Variants in KCND2 observed in about 807,000 individuals in gnomAD.
The protein encoded by KCND2 is A-type voltage-gated potassium channel KCND2.
In KCND2, 16 loss-of-function variants were observed where a neutral mutation model predicts 54.4. The ratio of observed to expected loss-of-function variants is 0.29; its 90% CI spans 0.20 to 0.45. KCND2 has a LOEUF of 0.45. Ranked by LOEUF, KCND2 falls within the 20% of genes least tolerant of loss-of-function variation. The pLI is 1.00. For missense variants in KCND2, 486 were observed against 824.2 expected, an observed-to-expected ratio of 0.59 and a Z score of 5.02; for synonymous variants, 317 against 310.7, an observed-to-expected ratio of 1.02 and a Z score of -0.21.
At chr7:120,376,062 T>A (rs951859925) in intron 1 of KCND2, among the ~76,000 whole-genome samples, 1 of 151,758 alleles carries the variant, frequency 6.6e-6, no homozygotes, top group Admixed American at 6.6e-5. Flanking sequence ...ATGTTCAATA[T>A]CCTTTGCTTA....
chr7:120,421,064 G>A (rs1362071209), intron 1 of KCND2, among the ~76,000 whole-genome samples: 5 of 152,028 alleles, frequency 3.3e-5, no homozygotes, highest in Admixed American at 1.3e-4. Flanking sequence ...CATCAATAAC[G>A]GTAATGATTA....
At chr7:120,333,192 G>A (rs567639135) in intron 1 of KCND2, among the ~76,000 whole-genome samples, 7 of 152,198 alleles carry the variant, frequency 4.6e-5, no homozygotes, top group African/African-American at 1.2e-4. Context: ...TAGTAGGAAC[G>A]AGTTATTTAT....
intron 1 of KCND2, among the ~76,000 whole-genome samples, chr7:120,392,643 C>T (rs912148736): frequency 4.6e-5 from 7 of 151,770 alleles, no homozygotes; most frequent in African/African-American, 7.3e-5. Context: ...ACGTTTTTCA[C>T]GACCAAGCCT....
At chr7:120,404,027 A>G (rs1411657092) in intron 1 of KCND2, among the ~76,000 whole-genome samples, 14 of 152,302 alleles carry the variant, frequency 9.2e-5, no homozygotes, top group Admixed American at 2.6e-4. Flanking sequence ...TTGGAAATTA[A>G]CATTTCAGCA....
chr7:120,346,022 C>T (rs573292733), intron 1 of KCND2, among the ~76,000 whole-genome samples: 66 of 152,224 alleles, frequency 4.3e-4, no homozygotes, highest in African/African-American at 1.2e-3. Context: ...TTATGTTTTT[C>T]TGACAGTGGC....
At chr7:120,544,435 C>A (rs934542094) in intron 1 of KCND2, among the ~76,000 whole-genome samples, 1 of 151,882 alleles carries the variant, frequency 6.6e-6, no homozygotes. Flanking sequence ...GTACTATCAT[C>A]ACTAAAATAT....
chr7:120,747,802 A>T lies in KCND2; in HGVS notation c.1837A>T (p.Arg613Trp). 1 of 1,612,788 alleles carries T rather than the reference A, an allele frequency of 6.2e-7. No homozygotes were observed. The highest frequency in any genetic ancestry group is 8.5e-7 in the Non-Finnish European group (1 of 1,179,096). The change falls in exon 6 of 6, where the codon AGG (arginine) becomes TGG (tryptophan). Residue 613 changes from arginine to tryptophan, a missense_variant. Coordinates refer to ENST00000331113, the MANE Select transcript of KCND2 (RefSeq NM_012281.3). ...AGTAACCACACCAGAAGGAGACGATAGGCCAGAATCCCCTGAGTACTCAGG... is the reference window on the plus strand; with the variant it reads ...AGTAACCACACCAGAAGGAGACGATTGGCCAGAATCCCCTGAGTACTCAGG... ...PPVTTPEGDD[R>W]PESPEYSGGN...
intron 1 of KCND2, among the ~76,000 whole-genome samples, chr7:120,725,319 T>C (rs1279647514): frequency 6.6e-6 from 1 of 152,226 alleles, no homozygotes; most frequent in African/African-American, 2.4e-5. Context: ...TTTAAAATTG[T>C]GCCTTAGCGA....
At chr7:120,686,635 G>T (rs1792205103) in intron 1 of KCND2, among the ~76,000 whole-genome samples, 1 of 152,148 alleles carries the variant, frequency 6.6e-6, no homozygotes, top group Admixed American at 6.6e-5. Context: ...CGAGTGCATG[G>T]TTTGACCTTT....
intron 1 of KCND2, among the ~76,000 whole-genome samples, chr7:120,656,392 G>A (rs1455275905): frequency 6.6e-6 from 1 of 152,248 alleles, no homozygotes; most frequent in Admixed American, 6.5e-5. Flanking sequence ...TGACTCATAG[G>A]TATTTTACCC....
intron 1 of KCND2, among the ~76,000 whole-genome samples, chr7:120,394,950 T>C (rs945561094): frequency 1.3e-5 from 2 of 152,040 alleles, no homozygotes; most frequent in Non-Finnish European, 2.9e-5. Flanking sequence ...TCTCTGGCTA[T>C]TTGGTTGTCA....
chr7:120,723,644 G>C (rs1181957359), intron 1 of KCND2, among the ~76,000 whole-genome samples: 2 of 152,098 alleles, frequency 1.3e-5, no homozygotes, highest in Non-Finnish European at 2.9e-5. Context: ...CTTGAGTCCA[G>C]GATTTCTAGA....
At position 120,694,626 on chromosome 7, in the gene KCND2, A is replaced by T. The variant is rs1490567100; in HGVS notation, c.1116-38277A>T. On this transcript the variant is annotated intron_variant, in intron 1 of 5. Transcript: ENST00000331113. ...AATGACTACATCTAAAAGGGGTTAGAAGGACCACCATAATTCTATTTCATG... is the reference window on the plus strand; with the variant it reads ...AATGACTACATCTAAAAGGGGTTAGTAGGACCACCATAATTCTATTTCATG... Among the ~76,000 whole-genome samples, 3 of 152,144 alleles carry T rather than the reference A, an allele frequency of 2.0e-5. No homozygotes were observed. The East Asian group carries it at 5.8e-4, about 29-fold the overall frequency.
intron 1 of KCND2, among the ~76,000 whole-genome samples, chr7:120,535,497 T>G (rs898662070): frequency 1.3e-5 from 2 of 152,088 alleles, no homozygotes; most frequent in African/African-American, 4.8e-5. Flanking sequence ...CTACAAAATT[T>G]TTATGTTTAT....
intron 1 of KCND2, among the ~76,000 whole-genome samples, chr7:120,580,195 A>G (rs1054784076): frequency 6.6e-6 from 1 of 152,226 alleles, no homozygotes; most frequent in Non-Finnish European, 1.5e-5. Context: ...AGGAATTTCC[A>G]ATGGGGGAAA....
At chr7:120,663,574 C>T (rs1341354868) in intron 1 of KCND2, among the ~76,000 whole-genome samples, 2 of 151,914 alleles carry the variant, frequency 1.3e-5, no homozygotes, top group Admixed American at 6.6e-5. Context: ...AATAATTTAC[C>T]TCCACCATTC....
At chr7:120,471,800 T>G (rs1802458081) in intron 1 of KCND2, among the ~76,000 whole-genome samples, 1 of 152,004 alleles carries the variant, frequency 6.6e-6, no homozygotes, top group Admixed American at 6.6e-5. Flanking sequence ...TTTTATTACT[T>G]TCTGATATTG....
At chr7:120,293,582 C>T (rs1032704344) in intron 1 of KCND2, among the ~76,000 whole-genome samples, 1 of 151,782 alleles carries the variant, frequency 6.6e-6, no homozygotes, top group African/African-American at 2.4e-5. Flanking sequence ...ATATGGCTTT[C>T]CTGTTTCTTT....
chr7:120,542,368 A>G (rs1368820217), intron 1 of KCND2, among the ~76,000 whole-genome samples: 1 of 152,148 alleles, frequency 6.6e-6, no homozygotes, highest in East Asian at 1.9e-4. Flanking sequence ...GCTCATTTTT[A>G]TGTCACCTTA....
Sources: allele counts gnomAD v4.1 joint callset (sites outside exome capture counted in the v4.1 genomes callset), GRCh38; gene constraint gnomAD v4.1.1; transcripts MANE v1.5; gene names NCBI Gene and HGNC (gene_info 2026-07-23, HGNC 2026-07-21).